Variants in ATP2B2 observed in about 807,000 individuals in gnomAD.
ATP2B2 encodes plasma membrane calcium-transporting ATPase 2.
In ATP2B2, 15 loss-of-function variants were observed where a neutral mutation model predicts 120.0. The ratio of observed to expected loss-of-function variants is 0.12; its 90% CI spans 0.08 to 0.19. The LOEUF is 0.19. Among genes scored for constraint, ATP2B2 ranks in the 10% least tolerant of loss-of-function variants. The pLI, the probability that ATP2B2 is intolerant of heterozygous loss-of-function variation, is 1.00. For missense variants in ATP2B2, 1,045 were observed against 1,719.8 expected, an observed-to-expected ratio of 0.61 and a Z score of 6.94; for synonymous variants, 694 against 700.3, an observed-to-expected ratio of 0.99 and a Z score of 0.14.
Position 10,371,938 on chromosome 3 carries a change from T to C in ATP2B2, c.1530A>G (p.Thr510=). 1 of 1,614,230 alleles carries C rather than the reference T, an allele frequency of 6.2e-7. No homozygotes were observed. The highest frequency in any genetic ancestry group is 8.5e-7 in the Non-Finnish European group (1 of 1,180,032). The stretch of plus-strand genomic sequence containing the variant: ...CGTCGCCGACATAGGCCTGTACCAC[T>C]GTCATGCGATTGGTGGTCAGCGTGC... ...KTGTLTTNRM[T]VVQAYVGDVH... Residue 510 remains threonine (T), a synonymous_variant, in exon 12 of 23, where the codon ACA becomes ACG. Transcript: ENST00000360273.
intron 2 of ATP2B2, among the ~76,000 whole-genome samples, chr3:10,561,434 G>C (rs1191259786): frequency 6.6e-6 from 1 of 152,184 alleles, no homozygotes; most frequent in Non-Finnish European, 1.5e-5. Flanking sequence ...TGCAATGCCT[G>C]GCACAGGGGA....
intron 2 of ATP2B2, among the ~76,000 whole-genome samples, chr3:10,412,380 T>C (rs568159035): frequency 4.6e-5 from 7 of 152,304 alleles, no homozygotes; most frequent in Admixed American, 4.6e-4. Flanking sequence ...CACTGTCTGC[T>C]GTGCCCCTCA....
At chr3:10,483,054 G>C (rs1366511934) in intron 1 of ATP2B2, among the ~76,000 whole-genome samples, 1 of 152,202 alleles carries the variant, frequency 6.6e-6, no homozygotes, top group Non-Finnish European at 1.5e-5. Context: ...AGCTCATAGG[G>C]GCAGGGTTAG....
At chr3:10,482,296 G>A (rs1473733459) in intron 1 of ATP2B2, among the ~76,000 whole-genome samples, 1 of 152,160 alleles carries the variant, frequency 6.6e-6, no homozygotes, top group Non-Finnish European at 1.5e-5. Context: ...AGGCCACATG[G>A]TGAGGGCAGC....
At chr3:10,368,470 C>T (rs1021267762) in intron 12 of ATP2B2, among the ~76,000 whole-genome samples, 7 of 152,018 alleles carry the variant, frequency 4.6e-5, no homozygotes, top group African/African-American at 1.7e-4. Context: ...TTCGTCCATT[C>T]ATCCATCCAT....
chr3:10,522,132 C>T (rs2066996064), intron 3 of ATP2B2, among the ~76,000 whole-genome samples: 1 of 152,140 alleles, frequency 6.6e-6, no homozygotes, highest in Non-Finnish European at 1.5e-5. Context: ...AAAATGTATG[C>T]TGTGTACCTA....
At chr3:10,611,655 A>G (rs1313306367) in intron 2 of ATP2B2, among the ~76,000 whole-genome samples, 1 of 152,166 alleles carries the variant, frequency 6.6e-6, no homozygotes, top group East Asian at 1.9e-4. Context: ...GGATCTCCCA[A>G]ACTCACATAG....
rs78119290 is a variant in ATP2B2, at chr3:10,449,946, C to T, written c.-319-84G>A. 1,814 of 344,284 alleles carry T rather than the reference C, an allele frequency of 5.3e-3. 44 individuals carry two copies. The highest frequency in any genetic ancestry group is 0.037 in the South Asian group (1,512 of 40,384). The allele number at this position is 344,284 out of a possible 1,614,324, so 21.3% of individuals were successfully genotyped here. On this transcript the variant is annotated intron_variant, in intron 1 of 22. Transcript: ENST00000360273. ...GGTGCTCAGGAAGGCCCCAGGCACACGCACAGCAACCTAAACAACACTGAC... is the reference window on the plus strand; with the variant it reads ...GGTGCTCAGGAAGGCCCCAGGCACATGCACAGCAACCTAAACAACACTGAC...
intron 2 of ATP2B2, among the ~76,000 whole-genome samples, chr3:10,547,590 C>A (rs939722161): frequency 1.3e-5 from 2 of 152,172 alleles, no homozygotes; most frequent in East Asian, 3.8e-4. Context: ...ACTCACTGTA[C>A]CCATTTCACA....
rs144852614 is a variant in ATP2B2, at chr3:10,481,238, T to C, written c.-320+24227A>G. 5.9e-5 allele frequency among the ~76,000 whole-genome samples: 9 copies of C among 152,306 alleles called. No individual in the cohort carries two copies. In the East Asian group the frequency reaches 1.7e-3, roughly 29 times the overall value. On this transcript the variant is annotated intron_variant, in intron 1 of 22. Transcript: ENST00000360273. ...CTTTTTTGCTATAAGCTAACTTGAG[T>C]TGGTATTTATATCACTTGCTTCTAA... is the stretch of plus-strand genomic sequence containing the variant.
chr3:10,405,293 C>T (rs1291668767), intron 3 of ATP2B2, among the ~76,000 whole-genome samples: 1 of 152,198 alleles, frequency 6.6e-6, no homozygotes, highest in Non-Finnish European at 1.5e-5. Context: ...ACTCCCAGCC[C>T]TACCTGCTGC....
chr3:10,576,689 T>A (rs2068255522), intron 2 of ATP2B2, among the ~76,000 whole-genome samples: 1 of 151,990 alleles, frequency 6.6e-6, no homozygotes, highest in South Asian at 2.1e-4. Flanking sequence ...TCAGAATGAT[T>A]ATTTAAAGGT....
intron 2 of ATP2B2, among the ~76,000 whole-genome samples, chr3:10,431,787 T>C (rs1430576993): frequency 2.6e-5 from 4 of 151,526 alleles, no homozygotes; most frequent in Admixed American, 1.3e-4. Context: ...TGGCGCTTGG[T>C]AGGTATTCAG....
chr3:10,470,165 A>G (rs991395741), intron 1 of ATP2B2, among the ~76,000 whole-genome samples: 1 of 152,078 alleles, frequency 6.6e-6, no homozygotes, highest in African/African-American at 2.4e-5. Flanking sequence ...TCTGACGAGG[A>G]GGTTGAAATA....
chr3:10,425,309 C>CA (rs34350429), intron 2 of ATP2B2, among the ~76,000 whole-genome samples: 8,954 of 148,118 alleles, frequency 0.06, 834 homozygotes, highest in African/African-American at 0.2. Context: ...GATGCTGTCT[C>CA]AAAAAAAAAA....
At chr3:10,690,745 A>G (rs2071644333) in intron 1 of ATP2B2, among the ~76,000 whole-genome samples, 1 of 152,222 alleles carries the variant, frequency 6.6e-6, no homozygotes, top group Non-Finnish European at 1.5e-5. Flanking sequence ...CAGATCCTAG[A>G]GGAAAATCAT....
intron 3 of ATP2B2, among the ~76,000 whole-genome samples, chr3:10,405,454 TAGGGATTCGGCCACCTGGAAG>T (rs1233511839): frequency 3.3e-5 from 5 of 152,072 alleles, no homozygotes; most frequent in South Asian, 2.1e-4. Context: ...ATCGCTGGGG[TAGGGATTCGGCCACCTGGAAG>T]CTGTCCGACC....
chr3:10,469,282 G>A (rs1244445581), intron 1 of ATP2B2, among the ~76,000 whole-genome samples: 1 of 152,192 alleles, frequency 6.6e-6, no homozygotes, highest in Admixed American at 6.5e-5. Context: ...CATCTCATCC[G>A]ATCCACATCA....
rs2125179082 is a variant in ATP2B2, at chr3:10,449,341, T to C, written c.199+4A>G. 6.2e-7 allele frequency: 1 copy of C among 1,614,220 alleles called. No individual in the cohort carries two copies. Among genetic ancestry groups the C allele is most frequent in the Middle Eastern group, 1.6e-4 (1 of 6,062 alleles). ...AGCCCTGGGTTCAAGTCTTGAACAC[T>C]TACCTTCAACAGGTGAGGTTTTGAG... On this transcript the variant is annotated splice_donor_region_variant and intron_variant, in intron 2 of 22. Transcript: ENST00000360273.
Sources: allele counts gnomAD v4.1 joint callset (sites outside exome capture counted in the v4.1 genomes callset), GRCh38; gene constraint gnomAD v4.1.1; transcripts MANE v1.5; gene names NCBI Gene and HGNC (gene_info 2026-07-23, HGNC 2026-07-21).